DMD: variants seen among roughly 807,000 people sequenced by gnomAD.
DMD encodes the protein dystrophin, also known as mutant dystrophin.
In DMD, 63 loss-of-function variants were observed where a neutral mutation model predicts 330.1. The ratio of observed to expected loss-of-function variants is 0.19; its 90% confidence interval spans 0.16 to 0.24. The LOEUF is 0.24. Ranked by LOEUF, DMD falls within the 10% of genes least tolerant of loss-of-function variation. The pLI is 1.00. For synonymous variants in DMD, 1,223 were observed against 959.8 expected (o/e 1.27, Z -5.07); for missense variants, 3,344 against 2,684.1 (o/e 1.25, Z -5.43).
At chrX:33,280,560 G>C (rs980817322) in intron 1 of DMD, among the ~76,000 whole-genome samples, 1 of 111,349 alleles carries the variant, frequency 9.0e-6, no homozygotes, top group African/African-American at 3.3e-5. Flanking sequence ...CTGGATTCCT[G>C]CTTCGTCCAA....
At chrX:32,895,385 T>C (rs1051305952) in intron 2 of DMD, among the ~76,000 whole-genome samples, 1 of 112,612 alleles carries the variant, frequency 8.9e-6, no homozygotes, top group Non-Finnish European at 1.9e-5. Context: ...TTTATACTTC[T>C]GGTTCAGTTC....
intron 50 of DMD, among the ~76,000 whole-genome samples, chrX:31,792,891 C>T (rs140412853): frequency 1.2e-3 from 137 of 111,832 alleles, no homozygotes; most frequent in Middle Eastern, 4.6e-3. Flanking sequence ...CCAGCAAGGG[C>T]AAAGGGCCTT....
intron 47 of DMD, among the ~76,000 whole-genome samples, chrX:31,888,515 C>T (rs1236062315): frequency 9.0e-6 from 1 of 111,726 alleles, no homozygotes; most frequent in East Asian, 2.8e-4. Flanking sequence ...TCATGTAAAC[C>T]ATTATCTTCT....
chrX:31,516,894 G>A (rs774527956), intron 55 of DMD, among the ~76,000 whole-genome samples: 10 of 111,240 alleles, frequency 9.0e-5, no homozygotes, highest in Non-Finnish European at 1.9e-4. Flanking sequence ...GCCTAGGGTG[G>A]ATTACCCCCG....
chrX:32,482,997 G>A (rs1173845556), intron 21 of DMD, among the ~76,000 whole-genome samples: 1 of 106,881 alleles, frequency 9.4e-6, no homozygotes, highest in African/African-American at 3.4e-5. Context: ...TACTTAATAC[G>A]TCCAAAGTAC....
At chrX:31,138,699 GCCACACA>G (rs2035648702) in intron 76 of DMD, among the ~76,000 whole-genome samples, 1 of 96,499 alleles carries the variant, frequency 1.0e-5, no homozygotes, top group Admixed American at 1.1e-4. Context: ...AGGGGGAAGT[GCCACACA>G]CTTTAAAAAC....
chrX:32,726,790 C>A (rs2066934331), intron 7 of DMD, among the ~76,000 whole-genome samples: 1 of 110,247 alleles, frequency 9.1e-6, no homozygotes, highest in Non-Finnish European at 1.9e-5. Flanking sequence ...GCTAATTACC[C>A]TGAATTAATT....
intron 2 of DMD, among the ~76,000 whole-genome samples, chrX:32,861,800 A>AG (rs1232929694): frequency 8.9e-6 from 1 of 111,874 alleles, no homozygotes; most frequent in Admixed American, 9.5e-5. Flanking sequence ...CAGCCTCCCA[A>AG]GGAAGACAAA....
At chrX:32,578,125 T>C (rs1367768854) in intron 13 of DMD, among the ~76,000 whole-genome samples, 1 of 111,510 alleles carries the variant, frequency 9.0e-6, no homozygotes, top group African/African-American at 3.3e-5. Context: ...GTGTAAGAAA[T>C]TGGATAAAAT....
chrX:31,372,984 A>G (rs1280162022), intron 60 of DMD, among the ~76,000 whole-genome samples: 4 of 111,921 alleles, frequency 3.6e-5, no homozygotes, highest in African/African-American at 1.3e-4. Flanking sequence ...GTCTCAGGAT[A>G]CAAAAGCAAT....
At chrX:32,413,787 C>G (rs920143283) in intron 29 of DMD, among the ~76,000 whole-genome samples, 1 of 97,386 alleles carries the variant, frequency 1.0e-5, no homozygotes, top group Non-Finnish European at 2.0e-5. Flanking sequence ...GTGGCACAAT[C>G]TCTGCTCACT....
At chrX:32,225,526 T>C (rs776860508) in intron 43 of DMD, among the ~76,000 whole-genome samples, 13 of 111,812 alleles carry the variant, frequency 1.2e-4, no homozygotes, top group Non-Finnish European at 2.1e-4. Context: ...AAGTCTTTGA[T>C]ATGATTTGGA....
At chrX:33,223,322 C>T (rs1314935280) in intron 1 of DMD, among the ~76,000 whole-genome samples, 2 of 111,520 alleles carry the variant, frequency 1.8e-5, no homozygotes, top group Non-Finnish European at 1.9e-5. Context: ...CTCAAACAAA[C>T]AAACAAACAA....
chrX:32,169,424 C>T (rs1461694310), intron 44 of DMD, among the ~76,000 whole-genome samples: 12 of 111,113 alleles, frequency 1.1e-4, no homozygotes, highest in African/African-American at 3.9e-4. Flanking sequence ...TCTCATAGTC[C>T]CCCAACAGGC....
chrX:32,763,349 T>TA (rs1240426426), intron 7 of DMD, among the ~76,000 whole-genome samples: 2 of 112,205 alleles, frequency 1.8e-5, no homozygotes, highest in African/African-American at 6.5e-5. Context: ...AAAATATTTA[T>TA]AGTTATGTTT....
rs752636841 is a variant in DMD at position 32,302,379 on chromosome X, A to G, written c.6117+7703T>C. Reference sequence around the variant, plus strand: ...AAAATTCTCAACTTACAATGGGTTTATCTGGATATAACCCCATCACAAGTC... The same window carrying G: ...AAAATTCTCAACTTACAATGGGTTTGTCTGGATATAACCCCATCACAAGTC... On this transcript the variant is annotated intron_variant, in intron 42 of 78. Transcript: ENST00000357033. 5.4e-5 allele frequency among the ~76,000 whole-genome samples: 6 copies of G among 111,387 alleles called. No homozygotes were observed. In the East Asian group the frequency reaches 1.7e-3, roughly 31 times the overall value.
intron 43 of DMD, among the ~76,000 whole-genome samples, chrX:32,274,289 T>C (rs147007732): frequency 0.034 from 3,793 of 111,831 alleles, 154 homozygotes; most frequent in African/African-American, 0.11. Flanking sequence ...ACAACTATCC[T>C]GGGAAACAAA....
At chrX:31,415,581 T>A (rs147041600) in intron 60 of DMD, among the ~76,000 whole-genome samples, 2,219 of 111,345 alleles carry the variant, frequency 0.02, 25 homozygotes, top group African/African-American at 0.047. Context: ...TTAGGAGGAG[T>A]CCTTTTCTCA....
intron 17 of DMD, among the ~76,000 whole-genome samples, chrX:32,528,004 A>T (rs1232216071): frequency 8.9e-6 from 1 of 112,316 alleles, no homozygotes; most frequent in Non-Finnish European, 1.9e-5. Context: ...GTAAATGTGC[A>T]TTTAAAAATA....
Sources: gnomAD v4.1 joint callset for allele counts (sites outside exome capture counted in the v4.1 genomes callset) on GRCh38, gnomAD v4.1.1 for gene constraint, MANE v1.5 for transcripts, NCBI Gene and HGNC (gene_info 2026-07-23, HGNC 2026-07-21) for gene names.